The following HCN1 variants were observed in gnomAD, a reference collection of about 807,000 sequenced individuals.
HCN1 encodes hyperpolarization activated cyclic nucleotide gated potassium channel 1.
A neutral mutation model predicts 78.9 loss-of-function variants in HCN1; 13 were observed. The ratio of observed to expected loss-of-function variants is 0.16; its 90% confidence interval spans 0.11 to 0.26. HCN1 has a LOEUF of 0.26. Ranked by LOEUF, HCN1 falls within the 10% of genes least tolerant of loss-of-function variation. The pLI, the probability that HCN1 is intolerant of heterozygous loss-of-function variation, is 1.00. For missense variants in HCN1, 810 were observed against 1,154.3 expected (o/e 0.70, Z 4.32); for synonymous variants, 552 against 455.5 (o/e 1.21, Z -2.70).
chr5:45,652,867 C>A lies in HCN1; in HGVS notation c.426-7259G>T, dbSNP rs368967904. Among the ~76,000 whole-genome samples, 18 of 152,078 alleles carry A rather than the reference C, an allele frequency of 1.2e-4. No individual in the cohort carries two copies. The East Asian group carries it at 3.1e-3, about 26-fold the overall frequency. On this transcript the variant is annotated intron_variant, in intron 1 of 7. Transcript: ENST00000303230. ...GATTACTTGCCCAGCTCTATATCTTCCCTAATACAATATTTTTCAAATTCA... is the reference window on the plus strand; with the variant it reads ...GATTACTTGCCCAGCTCTATATCTTACCTAATACAATATTTTTCAAATTCA...
intron 1 of HCN1, among the ~76,000 whole-genome samples, chr5:45,666,356 A>G (rs1746048365): frequency 6.6e-6 from 1 of 152,142 alleles, no homozygotes; most frequent in South Asian, 2.1e-4. Flanking sequence ...CATACTTCAC[A>G]TAAGATTACA....
intron 7 of HCN1, among the ~76,000 whole-genome samples, chr5:45,265,874 T>C (rs1391523927): frequency 6.6e-6 from 1 of 152,016 alleles, no homozygotes; most frequent in East Asian, 1.9e-4. Context: ...ATAAAAGCAG[T>C]GCTGTGATGG....
At chr5:45,665,121 A>C (rs1746010117) in intron 1 of HCN1, among the ~76,000 whole-genome samples, 1 of 151,954 alleles carries the variant, frequency 6.6e-6, no homozygotes, top group African/African-American at 2.4e-5. Flanking sequence ...TGTAGCCATA[A>C]AAAATGATGA....
chr5:45,388,124 A>G (rs1386302290), intron 4 of HCN1, among the ~76,000 whole-genome samples: 3 of 152,134 alleles, frequency 2.0e-5, no homozygotes. Flanking sequence ...ATTGTTTTTC[A>G]AGTACTCCAC....
chr5:45,667,302 G>T (rs116100996), intron 1 of HCN1, among the ~76,000 whole-genome samples: 2,862 of 151,984 alleles, frequency 0.019, 38 homozygotes, highest in Middle Eastern at 0.027. Flanking sequence ...GCTGGTCCTG[G>T]TGGGTAGAAG....
intron 4 of HCN1, among the ~76,000 whole-genome samples, chr5:45,366,162 ATT>A (rs35276669): frequency 1.5e-5 from 2 of 135,770 alleles, no homozygotes; most frequent in African/African-American, 6.4e-5. Flanking sequence ...ACATTATAGC[ATT>A]TGTGTGTGTG....
At chr5:45,565,556 C>T (rs1386014823) in intron 2 of HCN1, among the ~76,000 whole-genome samples, 1 of 152,092 alleles carries the variant, frequency 6.6e-6, no homozygotes, top group Non-Finnish European at 1.5e-5. Context: ...GGCACGGTGG[C>T]TTGCACCTGT....
intron 2 of HCN1, among the ~76,000 whole-genome samples, chr5:45,593,336 T>TCACACACA (rs1430238040): frequency 2.2e-5 from 3 of 136,410 alleles, no homozygotes; most frequent in African/African-American, 8.5e-5. Context: ...TCTCTCTCTC[T>TCACACACA]CTCTCACACA....
chr5:45,647,482 C>T (rs1745572160), intron 1 of HCN1, among the ~76,000 whole-genome samples: 1 of 152,106 alleles, frequency 6.6e-6, no homozygotes, highest in African/African-American at 2.4e-5. Context: ...TGTTGTTCCC[C>T]TGGGTGTCAC....
At chr5:45,338,820 A>T (rs1173674718) in intron 5 of HCN1, among the ~76,000 whole-genome samples, 1 of 152,162 alleles carries the variant, frequency 6.6e-6, no homozygotes, top group Non-Finnish European at 1.5e-5. Context: ...ACTTTTCTTC[A>T]AAAATCAGGT....
In HCN1 at chr5:45,314,740, C is replaced by CA. The variant is rs1197720517; in HGVS notation, c.1378-10902dup. Among the ~76,000 whole-genome samples the CA allele has an allele frequency of 8.6e-5, 13 of 151,530 alleles. No individual in the cohort carries two copies. The East Asian group carries it at 1.4e-3, about 16-fold the overall frequency. The stretch of plus-strand genomic sequence containing the variant: ...GAAGATCTACCAAGCAAATAGAAAA[C>CA]AAAAAAAGGCAGGAGTTGCAATCCT... On this transcript the variant is annotated intron_variant, in intron 5 of 7. Transcript: ENST00000303230.
At chr5:45,293,846 T>C (rs1382823259) in intron 6 of HCN1, among the ~76,000 whole-genome samples, 1 of 151,942 alleles carries the variant, frequency 6.6e-6, no homozygotes, top group Non-Finnish European at 1.5e-5. Flanking sequence ...TTGACATTTC[T>C]AAGTCAGCCA....
chr5:45,524,804 C>G (rs1362586688), intron 2 of HCN1, among the ~76,000 whole-genome samples: 2 of 152,152 alleles, frequency 1.3e-5, no homozygotes, highest in African/African-American at 4.8e-5. Flanking sequence ...CATCTGCAAA[C>G]AGGGACAATT....
At chr5:45,327,656 G>A (rs1280177954) in intron 5 of HCN1, among the ~76,000 whole-genome samples, 1 of 151,626 alleles carries the variant, frequency 6.6e-6, no homozygotes, top group Non-Finnish European at 1.5e-5. Context: ...AACTGTACCT[G>A]AGAATGTATT....
chr5:45,263,782 T>C (rs1744797692), intron 7 of HCN1, among the ~76,000 whole-genome samples: 1 of 150,612 alleles, frequency 6.6e-6, no homozygotes, highest in Non-Finnish European at 1.5e-5. Context: ...TTATTATTTA[T>C]TTATTTTATT....
intron 4 of HCN1, among the ~76,000 whole-genome samples, chr5:45,379,072 T>C (rs930299528): frequency 6.6e-6 from 1 of 152,118 alleles, no homozygotes; most frequent in Non-Finnish European, 1.5e-5. Flanking sequence ...AATAGTGCCC[T>C]AATAAACATG....
chr5:45,388,203 T>C (rs189507226), intron 4 of HCN1, among the ~76,000 whole-genome samples: 34 of 152,296 alleles, frequency 2.2e-4, no homozygotes, highest in Admixed American at 1.6e-3. Context: ...TCTTTGTTCT[T>C]GTATCTGTGG....
intron 6 of HCN1, among the ~76,000 whole-genome samples, chr5:45,303,300 G>A (rs1028113348): frequency 6.6e-6 from 1 of 152,104 alleles, no homozygotes; most frequent in Non-Finnish European, 1.5e-5. Flanking sequence ...AACAAAACAT[G>A]TTAGTGGATG....
At chr5:45,303,349 C>T (rs1745665083) in intron 6 of HCN1, among the ~76,000 whole-genome samples, 1 of 152,118 alleles carries the variant, frequency 6.6e-6, no homozygotes, top group Non-Finnish European at 1.5e-5. Flanking sequence ...TTCCATTTGA[C>T]TTAAGCCCCT....
Sources: allele counts gnomAD v4.1 joint callset (sites outside exome capture counted in the v4.1 genomes callset), GRCh38; gene constraint gnomAD v4.1.1; transcripts MANE v1.5; gene names NCBI Gene and HGNC (gene_info 2026-07-23, HGNC 2026-07-21).